The following PDE11A variants were observed in gnomAD, a reference collection of about 807,000 sequenced individuals.
PDE11A encodes phosphodiesterase 11A, also known as dual 3',5'-cyclic-AMP and -GMP phosphodiesterase 11A.
A neutral mutation model predicts 100.5 loss-of-function variants in PDE11A; 100 were observed. That is an observed-to-expected ratio of 1.00 (90% CI 0.85 to 1.18). The LOEUF is 1.18. PDE11A is among the 50% of genes most tolerant of loss of function. The pLI, the probability that PDE11A is intolerant of heterozygous loss-of-function variation, is 0.00. For synonymous variants in PDE11A, 381 were observed against 420.8 expected (o/e 0.91, Z 1.16); for missense variants, 1,141 against 1,152.6 (o/e 0.99, Z 0.15).
chr2:177,912,812 A>C (rs761144647), intron 2 of PDE11A, among the ~76,000 whole-genome samples: 3 of 152,220 alleles, frequency 2.0e-5, no homozygotes, highest in African/African-American at 4.8e-5. Flanking sequence ...CTAATCCTAT[A>C]CATAATATTT....
intron 2 of PDE11A, among the ~76,000 whole-genome samples, chr2:177,916,281 A>G (rs1479432426): frequency 6.6e-6 from 1 of 152,244 alleles, no homozygotes; most frequent in Non-Finnish European, 1.5e-5. Flanking sequence ...CCTTTGAGCA[A>G]GAGTCAGAAA....
At chr2:177,698,831 G>GT (rs1460844225) in intron 14 of PDE11A, among the ~76,000 whole-genome samples, 4 of 152,244 alleles carry the variant, frequency 2.6e-5, no homozygotes, top group East Asian at 1.9e-4. Flanking sequence ...TTCTGCCCAG[G>GT]TTTTTTTGCC....
chr2:177,967,843 G>C (rs2085718001), intron 2 of PDE11A, among the ~76,000 whole-genome samples: 2 of 152,108 alleles, frequency 1.3e-5, no homozygotes, highest in African/African-American at 2.4e-5. Flanking sequence ...GTGGAAGCTA[G>C]GTACTGTTAT....
chr2:177,918,181 C>T (rs951502663), intron 2 of PDE11A, among the ~76,000 whole-genome samples: 29 of 152,232 alleles, frequency 1.9e-4, no homozygotes, highest in African/African-American at 7.0e-4. Context: ...AGAGGGGAAA[C>T]TGTCTACATG....
At chr2:177,901,669 G>T (rs2084700654) in intron 3 of PDE11A, among the ~76,000 whole-genome samples, 1 of 152,068 alleles carries the variant, frequency 6.6e-6, no homozygotes, top group South Asian at 2.1e-4. Context: ...TCTCTGTAAG[G>T]GGTCAATGAA....
At chr2:177,749,368 T>C (rs762964162) in intron 10 of PDE11A, among the ~76,000 whole-genome samples, 5 of 152,212 alleles carry the variant, frequency 3.3e-5, no homozygotes, top group African/African-American at 4.8e-5. Context: ...TGAGCCACTG[T>C]AGGAGCTAAT....
In PDE11A at chr2:177,898,875, A is replaced by G. The variant is rs114784425; in HGVS notation, c.1162-677T>C. 1.2e-3 allele frequency among the ~76,000 whole-genome samples: 176 copies of G among 152,258 alleles called. 2 individuals are homozygous for G. The highest frequency in any genetic ancestry group is 2.0e-3 in the Non-Finnish European group (139 of 68,022). On this transcript the variant is annotated intron_variant, in intron 3 of 19. Transcript: ENST00000286063. ...ATAGAAAATGCTGAAACCCTATTAA[A>G]TTTCTTTACTTTGTGCCTGTAGAAG...
At chr2:177,926,361 T>C (rs901319957) in intron 2 of PDE11A, among the ~76,000 whole-genome samples, 1 of 152,220 alleles carries the variant, frequency 6.6e-6, no homozygotes, top group Non-Finnish European at 1.5e-5. Context: ...AATACTAGCT[T>C]CAGATGTTCT....
At chr2:177,779,190 C>T (rs1215764296) in intron 9 of PDE11A, among the ~76,000 whole-genome samples, 3 of 152,154 alleles carry the variant, frequency 2.0e-5, no homozygotes, top group African/African-American at 7.2e-5. Flanking sequence ...AAACAATGCA[C>T]ATACCTTAAT....
chr2:178,027,668 AG>A (rs2086494459), intron 1 of PDE11A, among the ~76,000 whole-genome samples: 1 of 152,168 alleles, frequency 6.6e-6, no homozygotes, highest in Non-Finnish European at 1.5e-5. Flanking sequence ...TTATCATAAA[AG>A]GTCCAATTGA....
intron 10 of PDE11A, among the ~76,000 whole-genome samples, chr2:177,730,020 T>C (rs1002746579): frequency 2.6e-5 from 4 of 152,200 alleles, no homozygotes; most frequent in African/African-American, 9.6e-5. Flanking sequence ...GGAAAAAAGA[T>C]ACTTAATTCC....
intron 13 of PDE11A, 100 bp downstream of exon 13, chr2:177,711,669 C>T (rs1042124905): frequency 5.4e-5 from 41 of 753,670 alleles, no homozygotes; most frequent in Non-Finnish European, 7.4e-5. Context: ...GCCTTGGCCT[C>T]GGATGCCAGA....
chr2:177,991,981 T>C (rs1473192499), intron 2 of PDE11A, among the ~76,000 whole-genome samples: 2 of 151,328 alleles, frequency 1.3e-5, no homozygotes, highest in Non-Finnish European at 2.9e-5. Context: ...TTTACCCTTA[T>C]AGTAAAACTC....
At chr2:177,727,823 A>G in intron 11 of PDE11A, 58 bp from the exon 12 acceptor site, 1 of 1,073,346 alleles carries the variant, frequency 9.3e-7, no homozygotes, top group Non-Finnish European at 1.5e-6. Context: ...GTGGACCCTT[A>G]TCTCAATGGT....
chr2:178,104,325 T>A (rs1048152718), exon 2 of PDE11A: 2 of 1,613,978 alleles, frequency 1.2e-6, no homozygotes, highest in African/African-American at 2.7e-5. Flanking sequence ...TGCCTCTGTA[T>A]AAGAAAATCC....
chr2:178,014,232 T>A, intron 2 of PDE11A, 70 bp downstream of exon 2: 1 of 1,184,854 alleles, frequency 8.4e-7, no homozygotes. Context: ...ATAATTCCTG[T>A]CTTTTAAAGG....
rs144336690 is a variant in PDE11A at position 177,875,008 on chromosome 2, G to A, written c.1367+851C>T. 2.6e-3 allele frequency among the ~76,000 whole-genome samples: 399 copies of A among 152,278 alleles called. 1 individual carries two copies. Among genetic ancestry groups the A allele is most frequent in the African/African-American group, 8.7e-3 (363 of 41,550 alleles). On this transcript the variant is annotated intron_variant, in intron 5 of 19. Coordinates refer to ENST00000286063, the MANE Select transcript of PDE11A (RefSeq NM_016953.4). Reference sequence around the variant, plus strand: ...GGAGGCCAAGACGGGCAGATCACTTGAGGTCAGGAGTTCGAAACCAGCCTG... The same window carrying A: ...GGAGGCCAAGACGGGCAGATCACTTAAGGTCAGGAGTTCGAAACCAGCCTG...
At chr2:177,955,668 G>A (rs373737999) in intron 2 of PDE11A, among the ~76,000 whole-genome samples, 2 of 152,102 alleles carry the variant, frequency 1.3e-5, no homozygotes, top group East Asian at 1.9e-4. Context: ...TATACTACAA[G>A]GCTACAGTAA....
intron 2 of PDE11A, among the ~76,000 whole-genome samples, chr2:177,970,880 G>C (rs370155515): frequency 1.3e-5 from 2 of 152,164 alleles, no homozygotes; most frequent in East Asian, 3.9e-4. Flanking sequence ...ATAGCAGTCA[G>C]GGGAGGAGTT....
Sources: gnomAD v4.1 joint callset for allele counts (sites outside exome capture counted in the v4.1 genomes callset) on GRCh38, gnomAD v4.1.1 for gene constraint, MANE v1.5 for transcripts, NCBI Gene and HGNC (gene_info 2026-07-23, HGNC 2026-07-21) for gene names.